SPHKAP: variants seen among roughly 807,000 people sequenced by gnomAD.
SPHKAP encodes the protein SPHK1 interactor, AKAP domain containing.
Under a neutral mutation model 137.5 loss-of-function variants are expected in SPHKAP, and 67 were observed. That is an observed-to-expected ratio of 0.49 (90% CI 0.40 to 0.60). The LOEUF is 0.60. Ranked by LOEUF, SPHKAP falls within the 20% of genes least tolerant of loss-of-function variation. SPHKAP has a pLI of 0.00. For missense variants in SPHKAP, 2,097 were observed against 2,069.3 expected, an observed-to-expected ratio of 1.01 and a Z score of -0.26; for synonymous variants, 813 against 785.3, an observed-to-expected ratio of 1.04 and a Z score of -0.59.
chr2:228,049,939 C>T (rs1696196412), intron 3 of SPHKAP, among the ~76,000 whole-genome samples: 1 of 152,074 alleles, frequency 6.6e-6, no homozygotes, highest in Non-Finnish European at 1.5e-5. Context: ...CAAACTCCAA[C>T]ATCCAACAAA....
At chr2:228,033,614 A>G (rs1695447748) in intron 3 of SPHKAP, among the ~76,000 whole-genome samples, 1 of 152,218 alleles carries the variant, frequency 6.6e-6, no homozygotes, top group Non-Finnish European at 1.5e-5. Flanking sequence ...TCCAAAATTG[A>G]CCATATAGTT....
At chr2:228,144,818 C>A (rs1461579872) in intron 1 of SPHKAP, among the ~76,000 whole-genome samples, 1 of 152,036 alleles carries the variant, frequency 6.6e-6, no homozygotes, top group South Asian at 2.1e-4. Flanking sequence ...ATGGGTCCCA[C>A]CAAAGATAAC....
chr2:228,045,743 TATA>T (rs897878807), intron 3 of SPHKAP, among the ~76,000 whole-genome samples: 1 of 151,282 alleles, frequency 6.6e-6, no homozygotes, highest in Non-Finnish European at 1.5e-5. Flanking sequence ...AAACTTAAAG[TATA>T]ATAATAATAA....
chr2:228,046,825 AC>A (rs1251820770), intron 3 of SPHKAP, among the ~76,000 whole-genome samples: 2 of 151,734 alleles, frequency 1.3e-5, no homozygotes, highest in Non-Finnish European at 2.9e-5. Context: ...CCTCAAAAAG[AC>A]CCCCCTCCTT....
chr2:228,034,420 G>A (rs1365845218), intron 3 of SPHKAP, among the ~76,000 whole-genome samples: 7 of 152,142 alleles, frequency 4.6e-5, no homozygotes, highest in Non-Finnish European at 1.5e-5. Context: ...TCCAGGACCA[G>A]ATGGATTCAC....
At position 228,017,016 on chromosome 2, in the gene SPHKAP, C is replaced by T. The variant is rs776331908; in HGVS notation, c.3838G>A (p.Ala1280Thr). 1.2e-5 allele frequency: 20 copies of T among 1,613,972 alleles called. No individual in the cohort carries two copies. Among genetic ancestry groups the T allele is most frequent in the East Asian group, 4.5e-5 (2 of 44,888 alleles). The change falls in exon 7 of 12, where the codon GCG becomes ACG. Residue 1280 changes from alanine to threonine, a missense_variant. Coordinates refer to ENST00000392056, the MANE Select transcript of SPHKAP (RefSeq NM_001142644.2). ...DFLSVQPVSS[A>T]SSSGLCKSDS... ...GATTTGCAGAGACCGGATGAGGACG[C>T]GCTACTGACCGGCTGCACGCTTAGG...
intron 3 of SPHKAP, among the ~76,000 whole-genome samples, chr2:228,031,363 G>T (rs1482216080): frequency 3.3e-5 from 5 of 152,244 alleles, no homozygotes; most frequent in Non-Finnish European, 7.3e-5. Context: ...AAACAAAAAT[G>T]CCAGGAAGCT....
chr2:228,154,532 A>ATATATCT (rs1264773949), intron 1 of SPHKAP, among the ~76,000 whole-genome samples: 1 of 29,406 alleles, frequency 3.4e-5, no homozygotes, highest in Non-Finnish European at 5.8e-5. Context: ...ATATATATAT[A>ATATATCT]TTTTTTTTTT....
At chr2:227,993,477 T>G in intron 9 of SPHKAP, 57 bp downstream of exon 9, 2 of 1,459,828 alleles carry the variant, frequency 1.4e-6, no homozygotes, top group Non-Finnish European at 1.9e-6. Context: ...CAAAATGGAT[T>G]GCCAGATGGA....
chr2:228,059,990 A>G (rs894058782), intron 3 of SPHKAP, among the ~76,000 whole-genome samples: 1 of 152,218 alleles, frequency 6.6e-6, no homozygotes, highest in Non-Finnish European at 1.5e-5. Context: ...AGATGAGGAC[A>G]TTGAAGGGCA....
intron 1 of SPHKAP, among the ~76,000 whole-genome samples, chr2:228,158,326 C>CT (rs55897294): frequency 0.15 from 20,144 of 132,952 alleles, 3,152 homozygotes; most frequent in African/African-American, 0.4. Flanking sequence ...TTACTTCTTT[C>CT]TTTTTTTTTT....
At chr2:228,047,095 T>C (rs546577608) in intron 3 of SPHKAP, among the ~76,000 whole-genome samples, 22 of 152,288 alleles carry the variant, frequency 1.4e-4, no homozygotes, top group African/African-American at 4.8e-4. Flanking sequence ...AGTGAGTATA[T>C]GTAGGAAAAT....
chr2:227,992,205 T>G (rs1574715428), intron 9 of SPHKAP, among the ~76,000 whole-genome samples: 1 of 152,366 alleles, frequency 6.6e-6, no homozygotes, highest in South Asian at 2.1e-4. Flanking sequence ...TGACGATAGA[T>G]GATTCTCTCA....
At chr2:228,046,977 A>C (rs1696085035) in intron 3 of SPHKAP, among the ~76,000 whole-genome samples, 1 of 152,206 alleles carries the variant, frequency 6.6e-6, no homozygotes, top group African/African-American at 2.4e-5. Context: ...TAAAAGCATA[A>C]AAAATATTCT....
intron 3 of SPHKAP, among the ~76,000 whole-genome samples, chr2:228,077,123 A>G (rs891485638): frequency 6.6e-6 from 1 of 152,150 alleles, no homozygotes; most frequent in African/African-American, 2.4e-5. Flanking sequence ...TCAAGAATTG[A>G]GGTTTGGGAA....
chr2:228,144,087 C>T (rs910667377), intron 1 of SPHKAP, among the ~76,000 whole-genome samples: 4 of 152,146 alleles, frequency 2.6e-5, no homozygotes, highest in African/African-American at 9.7e-5. Flanking sequence ...CATCTCACTT[C>T]ATTATTTCTT....
chr2:228,123,113 T>G (rs1294423862), intron 2 of SPHKAP, among the ~76,000 whole-genome samples: 1 of 152,212 alleles, frequency 6.6e-6, no homozygotes, highest in African/African-American at 2.4e-5. Flanking sequence ...CCATCCAGTA[T>G]TCCCCTCCTG....
intron 3 of SPHKAP, among the ~76,000 whole-genome samples, chr2:228,030,563 A>T (rs1429254148): frequency 6.6e-6 from 1 of 151,180 alleles, no homozygotes; most frequent in Non-Finnish European, 1.5e-5. Context: ...AAAATAAAAA[A>T]ATTAAAATAT....
At position 228,034,984 on chromosome 2, in the gene SPHKAP, C is replaced by G. The variant is rs534879590; in HGVS notation, c.247-7441G>C. ...GAAAACTGGCACAAGAGAGGGATGC[C>G]CTCTCTCACCACTCCTATTCAACAT... On this transcript the variant is annotated intron_variant, in intron 3 of 11. Transcript: ENST00000392056. 7.3e-5 allele frequency among the ~76,000 whole-genome samples: 11 copies of G among 150,750 alleles called. No homozygotes were observed. The South Asian group carries it at 2.3e-3, about 32-fold the overall frequency.
Sources: gnomAD v4.1 joint callset for allele counts (sites outside exome capture counted in the v4.1 genomes callset) on GRCh38, gnomAD v4.1.1 for gene constraint, MANE v1.5 for transcripts, NCBI Gene and HGNC (gene_info 2026-07-23, HGNC 2026-07-21) for gene names.